LASP1: variants seen among roughly 807,000 people sequenced by gnomAD.
LASP1 encodes the protein LIM and SH3 protein 1.
Under a neutral mutation model 38.6 loss-of-function variants are expected in LASP1, and 10 were observed. That is an observed-to-expected ratio of 0.26 (90% confidence interval 0.16 to 0.44). The LOEUF is 0.44. Ranked by LOEUF, LASP1 falls within the 20% of genes least tolerant of loss-of-function variation. The pLI is 1.00. For missense variants in LASP1, 243 were observed against 375.7 expected (o/e 0.65, Z 2.92); for synonymous variants, 132 against 140.8 (o/e 0.94, Z 0.44).
chr17:38,908,024 C>T (rs1212352173), intron 4 of LASP1, among the ~76,000 whole-genome samples: 3 of 152,224 alleles, frequency 2.0e-5, no homozygotes, highest in Non-Finnish European at 4.4e-5. Flanking sequence ...TGCAGCCCAT[C>T]ATAAGGGACT....
chr17:38,885,532 C>T (rs999897671), intron 2 of LASP1, among the ~76,000 whole-genome samples: 4 of 152,172 alleles, frequency 2.6e-5, no homozygotes, highest in African/African-American at 9.7e-5. Flanking sequence ...GGGTGGGGCA[C>T]CTGCAGAGAG....
intron 2 of LASP1, among the ~76,000 whole-genome samples, chr17:38,881,265 CT>C (rs1913941994): frequency 6.6e-6 from 1 of 151,864 alleles, no homozygotes; most frequent in Non-Finnish European, 1.5e-5. Flanking sequence ...TTTTATTTTG[CT>C]TTGGTTTTTT....
chr17:38,886,706 G>T (rs566859818), intron 2 of LASP1, among the ~76,000 whole-genome samples: 7 of 152,116 alleles, frequency 4.6e-5, no homozygotes, highest in African/African-American at 1.7e-4. Flanking sequence ...GGGTGCAGGG[G>T]GTGTGTGGAC....
At chr17:38,877,043 G>T (rs1042636655) in intron 1 of LASP1, among the ~76,000 whole-genome samples, 2 of 152,210 alleles carry the variant, frequency 1.3e-5, no homozygotes, top group Non-Finnish European at 2.9e-5. Context: ...TGGAGCTGTG[G>T]TTGGCACAGT....
intron 4 of LASP1, chr17:38,898,833 A>G (rs933860021): frequency 2.1e-6 from 1 of 466,946 alleles, no homozygotes; most frequent in Non-Finnish European, 4.3e-6. Flanking sequence ...TGAAGACTGC[A>G]TGTCTCATCT....
In LASP1 at chr17:38,898,398, C is replaced by A; in HGVS notation, c.250-14C>A. 6.5e-7 allele frequency: 1 copy of A among 1,537,688 alleles called. No individual in the cohort carries two copies. Among genetic ancestry groups the A allele is most frequent in the Non-Finnish European group, 8.8e-7 (1 of 1,136,262 alleles). On this transcript the variant is annotated splice_polypyrimidine_tract_variant and intron_variant, in intron 3 of 6. Coordinates refer to ENST00000318008, the MANE Select transcript of LASP1 (RefSeq NM_006148.4). ...CCTGGCCTGACTCCAATCCCTCTTCCTCCCCTCCTGCAGGTGCGCTACAAG... is the reference window on the plus strand; with the variant it reads ...CCTGGCCTGACTCCAATCCCTCTTCATCCCCTCCTGCAGGTGCGCTACAAG...
chr17:38,898,551 G>A (rs1219885033), intron 4 of LASP1, 32 bp downstream of exon 4: 2 of 1,477,772 alleles, frequency 1.4e-6, no homozygotes, highest in Non-Finnish European at 1.9e-6. Context: ...CGGCATCCCT[G>A]CTGCCCTCTG....
At chr17:38,876,177 T>TC (rs1491376510) in intron 1 of LASP1, among the ~76,000 whole-genome samples, 1 of 109,630 alleles carries the variant, frequency 9.1e-6, no homozygotes, top group Admixed American at 1.1e-4. Context: ...ATCGTTTCTC[T>TC]TTTTTTTTTT....
intron 4 of LASP1, chr17:38,904,372 C>T (rs951873624): frequency 6.6e-6 from 1 of 152,140 alleles, no homozygotes; most frequent in Non-Finnish European, 1.5e-5. Context: ...GCGGGCAGAT[C>T]ACCTGAGGTC....
chr17:38,887,914 T>A (rs2143761641), intron 2 of LASP1, among the ~76,000 whole-genome samples: 1 of 152,286 alleles, frequency 6.6e-6, no homozygotes, highest in African/African-American at 2.4e-5. Flanking sequence ...CAGCTCGTTC[T>A]TAGCTCTCGA....
rs60650093 is a variant in LASP1, at chr17:38,906,527, A to AAAATAAAT, written c.358-7778_358-7771dup. Among the ~76,000 whole-genome samples, 319 of 151,236 alleles carry AAAATAAAT rather than the reference A, an allele frequency of 2.1e-3. 1 individual carries two copies. Among genetic ancestry groups the AAAATAAAT allele is most frequent in the African/African-American group, 6.9e-3 (285 of 41,066 alleles). On this transcript the variant is annotated intron_variant, in intron 4 of 6. Transcript: ENST00000318008. ...CTGGGCGACAGAGCAAGACTGTCTC[A>AAAATAAAT]AAATAAATAAATAAATAAATAAATA...
chr17:38,914,485 G>C lies in LASP1; in HGVS notation c.508+10G>C. On this transcript the variant is annotated intron_variant, in intron 5 of 6. Coordinates refer to ENST00000318008, the MANE Select transcript of LASP1 (RefSeq NM_006148.4). ...CCGACCAGTGCCCCGGGTGAGTGCA[G>C]GTCCTGTTGGTGCAGATGACCTGAG... 6.3e-7 allele frequency: 1 copy of C among 1,585,700 alleles called. No homozygotes were observed. Among genetic ancestry groups the C allele is most frequent in the Non-Finnish European group, 8.6e-7 (1 of 1,166,298 alleles).
intron 4 of LASP1, among the ~76,000 whole-genome samples, chr17:38,907,450 A>AT (rs796146458): frequency 3.9e-5 from 6 of 152,168 alleles, no homozygotes; most frequent in African/African-American, 1.4e-4. Flanking sequence ...TCTAGCTGTG[A>AT]TTTTGTCCTT....
rs910068298 is a variant in LASP1, at chr17:38,918,643, C to G, written c.651C>G (p.Asp217Glu). The G allele has an allele frequency of 1.2e-6, 2 of 1,611,280 alleles. No homozygotes were observed. The highest frequency in any genetic ancestry group is 2.2e-5 in the East Asian group (1 of 44,812). The change falls in exon 7 of 7, where the codon GAC becomes GAG. Residue 217 changes from aspartate (D) to glutamate (E), a missense_variant. Coordinates refer to ENST00000318008, the MANE Select transcript of LASP1 (RefSeq NM_006148.4). This position sits in a 1 kb window ranked among gnomAD's most constrained non-coding sequence, Gnocchi z 4.4. ...YRAVYDYSAA[D>E]EDEVSFQDGD... ...CGGTGTATGACTACAGCGCCGCCGACGAGGACGAGGTCTCCTTCCAGGACG... is the reference window on the plus strand; with the variant it reads ...CGGTGTATGACTACAGCGCCGCCGAGGAGGACGAGGTCTCCTTCCAGGACG...
At chr17:38,916,253 A>T (rs558116812) in intron 6 of LASP1, 1 of 152,534 alleles carries the variant, frequency 6.6e-6, no homozygotes, top group South Asian at 2.1e-4. Flanking sequence ...AGGGATGGAT[A>T]GAAAGCAGCT....
chr17:38,874,475 C>G (rs572155471), intron 1 of LASP1, among the ~76,000 whole-genome samples: 2 of 152,258 alleles, frequency 1.3e-5, no homozygotes, highest in South Asian at 4.1e-4. Flanking sequence ...CACAATTTTC[C>G]TACCCCAAAA....
intron 1 of LASP1, 56 bp downstream of exon 1, chr17:38,870,314 A>G: frequency 1.9e-6 from 3 of 1,587,370 alleles, no homozygotes; most frequent in Admixed American, 1.7e-5. Context: ...CTCCGAATCC[A>G]GGGAGGAGAG....
chr17:38,889,885 C>G (rs997436730), intron 2 of LASP1, among the ~76,000 whole-genome samples: 1 of 152,204 alleles, frequency 6.6e-6, no homozygotes, highest in Non-Finnish European at 1.5e-5. Context: ...GTTTGAAATA[C>G]CACTTTAACC....
At chr17:38,909,593 C>T (rs1161723232) in intron 4 of LASP1, among the ~76,000 whole-genome samples, 2 of 150,248 alleles carry the variant, frequency 1.3e-5, no homozygotes, top group African/African-American at 2.5e-5. Context: ...GGCGACAGAG[C>T]GAGACTCCAT....
Sources: allele counts gnomAD v4.1 joint callset (sites outside exome capture counted in the v4.1 genomes callset), GRCh38; gene constraint gnomAD v4.1.1; non-coding constraint Gnocchi (gnomAD v3.1); transcripts MANE v1.5; gene names NCBI Gene and HGNC (gene_info 2026-07-23, HGNC 2026-07-21).